The following ABTB3 variants were observed in gnomAD, a reference collection of about 807,000 sequenced individuals.
ABTB3 encodes ankyrin repeat and BTB domain containing 3, also known as ankyrin repeat- and BTB/POZ domain-containing protein 3.
At chr12:107,399,982 C>T in the ABTB3 span, among the ~76,000 whole-genome samples, 2 of 152,158 alleles carry the variant, frequency 1.3e-5, no homozygotes, top group African/African-American at 4.8e-5. Flanking sequence ...ATGATGGTTT[C>T]CAGCTTCATC....
chr12:107,356,725 A>G, the ABTB3 span, among the ~76,000 whole-genome samples: 375 of 152,326 alleles, frequency 2.5e-3, 3 homozygotes, highest in African/African-American at 8.3e-3. Flanking sequence ...CAAATTCTGC[A>G]CTATCTCCTT....
At chr12:107,502,794 G>A in the ABTB3 span, among the ~76,000 whole-genome samples, 1 of 152,142 alleles carries the variant, frequency 6.6e-6, no homozygotes. Flanking sequence ...TGATCCTTAT[G>A]AGAATCTAAT....
At chr12:107,499,140 G>A in the ABTB3 span, among the ~76,000 whole-genome samples, 7 of 152,124 alleles carry the variant, frequency 4.6e-5, 1 homozygote, top group Admixed American at 1.3e-4. Flanking sequence ...TGGCTGACTC[G>A]GGGGAGCTGG....
At chr12:107,618,168 C>T in the ABTB3 span, 10 of 1,613,888 alleles carry the variant, frequency 6.2e-6, no homozygotes, top group African/African-American at 1.3e-5. Context: ...GAATGTGTTC[C>T]GCAAACTGCT....
At chr12:107,572,334 G>T in the ABTB3 span, among the ~76,000 whole-genome samples, 2 of 151,772 alleles carry the variant, frequency 1.3e-5, no homozygotes, top group African/African-American at 4.8e-5. Context: ...CTTGATTTTG[G>T]ACTTCTGGCC....
At chr12:107,369,684 C>A in the ABTB3 span, among the ~76,000 whole-genome samples, 1 of 146,746 alleles carries the variant, frequency 6.8e-6, no homozygotes, top group Non-Finnish European at 1.5e-5. Context: ...CAGGCATGAG[C>A]CACCATACCC....
chr12:107,583,167 CA>C, the ABTB3 span, among the ~76,000 whole-genome samples: 2 of 152,046 alleles, frequency 1.3e-5, no homozygotes, highest in African/African-American at 4.8e-5. Context: ...GGTGTGAGCA[CA>C]AAGTAGGATA....
At chr12:107,319,432 C>A in the ABTB3 span, 1 of 1,607,094 alleles carries the variant, frequency 6.2e-7, no homozygotes, top group Non-Finnish European at 8.5e-7. Context: ...AGATCCAGAG[C>A]GCCATGGAGA....
At chr12:107,384,885 A>T in the ABTB3 span, among the ~76,000 whole-genome samples, 6 of 152,184 alleles carry the variant, frequency 3.9e-5, no homozygotes, top group Non-Finnish European at 8.8e-5. Flanking sequence ...TTTTATAAAG[A>T]TCACTCTGGA....
the ABTB3 span, among the ~76,000 whole-genome samples, chr12:107,594,169 A>C: frequency 2.0e-5 from 3 of 152,318 alleles, no homozygotes; most frequent in African/African-American, 7.2e-5. Context: ...CATGATGCTG[A>C]AGCAAGATAA....
chr12:107,431,011 T>C, the ABTB3 span, among the ~76,000 whole-genome samples: 1 of 152,240 alleles, frequency 6.6e-6, no homozygotes, highest in Non-Finnish European at 1.5e-5. Flanking sequence ...TCTGGCTCTC[T>C]ATTCACAGAA....
the ABTB3 span, among the ~76,000 whole-genome samples, chr12:107,437,913 G>A: frequency 2.0e-5 from 3 of 152,246 alleles, no homozygotes; most frequent in South Asian, 2.1e-4. Context: ...TGGGTATTGG[G>A]GGGTGGGGGT....
the ABTB3 span, among the ~76,000 whole-genome samples, chr12:107,423,174 A>C: frequency 5.5e-3 from 836 of 152,306 alleles, 8 homozygotes; most frequent in African/African-American, 0.019. Context: ...AATACTATGT[A>C]GGCAAAAATA....
chr12:107,503,756 C>CAA, the ABTB3 span, among the ~76,000 whole-genome samples: 1,780 of 70,672 alleles, frequency 0.025, 70 homozygotes, highest in African/African-American at 0.045. Flanking sequence ...GACCCTATCT[C>CAA]AAAAAAAAAA....
At chr12:107,397,748 A>G in the ABTB3 span, among the ~76,000 whole-genome samples, 2 of 152,116 alleles carry the variant, frequency 1.3e-5, no homozygotes. Flanking sequence ...TTTCATGTTT[A>G]GGTCATTCAT....
the ABTB3 span, among the ~76,000 whole-genome samples, chr12:107,507,927 T>C: frequency 1.3e-5 from 2 of 152,248 alleles, no homozygotes; most frequent in Non-Finnish European, 2.9e-5. Flanking sequence ...TGGACTTCTC[T>C]TAGAGTACCT....
chr12:107,405,870 C>T, the ABTB3 span, among the ~76,000 whole-genome samples: 1 of 152,220 alleles, frequency 6.6e-6, no homozygotes, highest in Non-Finnish European at 1.5e-5. Context: ...CACTCTGCTC[C>T]TCACCAGCTC....
the ABTB3 span, among the ~76,000 whole-genome samples, chr12:107,480,729 G>A: frequency 6.6e-6 from 1 of 152,258 alleles, no homozygotes; most frequent in South Asian, 2.1e-4. Flanking sequence ...TTTGTCCTGT[G>A]AGCATGTGCA....
At chr12:107,487,775 G>C in the ABTB3 span, among the ~76,000 whole-genome samples, 44 of 152,236 alleles carry the variant, frequency 2.9e-4, no homozygotes, top group African/African-American at 9.9e-4. Context: ...ACCGTTGGGA[G>C]TCAACTGATG....
Sources: gnomAD v4.1 joint callset for allele counts (sites outside exome capture counted in the v4.1 genomes callset) on GRCh38, gnomAD v4.1.1 for gene constraint, MANE v1.5 for transcripts, NCBI Gene and HGNC (gene_info 2026-07-23, HGNC 2026-07-21) for gene names.